Variants in HNF1A observed in about 807,000 individuals in gnomAD.
HNF1A encodes hepatocyte nuclear factor 1-alpha.
Under a neutral mutation model 62.2 loss-of-function variants are expected in HNF1A, and 21 were observed. That is an observed-to-expected ratio of 0.34 (90% CI 0.24 to 0.49). The LOEUF (loss-of-function observed/expected upper bound fraction) is 0.49, where lower values mean the gene tolerates loss of function less well. Among genes scored for constraint, HNF1A ranks in the 20% least tolerant of loss-of-function variants. HNF1A has a pLI of 0.99. For missense variants in HNF1A, 687 were observed against 832.3 expected, an observed-to-expected ratio of 0.83 and a Z score of 2.15; for synonymous variants, 374 against 366.8, an observed-to-expected ratio of 1.02 and a Z score of -0.22.
Position 120,996,633 on chromosome 12 carries a change from C to T in HNF1A, c.1200C>T (p.Pro400=), listed in dbSNP as rs773220717. ...CATCCCCAGGCCTCAACCAGCAGCC[C>T]CAGAACCTCATCATGGCCTCACTTC... ...EQTSPGLNQQ[P]QNLIMASLPG... The change falls in exon 6 of 10, where the codon CCC becomes CCT. Residue 400 remains proline, a synonymous_variant. Coordinates refer to ENST00000257555, the MANE Select transcript of HNF1A (RefSeq NM_000545.8). This position sits in a 1 kb window ranked among gnomAD's most constrained non-coding sequence, Gnocchi z 4.5. The T allele has an allele frequency of 3.7e-6, 6 of 1,614,104 alleles. No individual in the cohort carries two copies. In the South Asian group the frequency reaches 6.6e-5, roughly 18 times the overall value.
chr12:120,988,576 C>A (rs1876652029), intron 1 of HNF1A, among the ~76,000 whole-genome samples: 1 of 152,352 alleles, frequency 6.6e-6, no homozygotes, highest in Non-Finnish European at 1.5e-5. Context: ...TATCCATAGG[C>A]CTGTGTCCAC....
chr12:121,002,254 G>GAAAGCCA lies in HNF1A; in HGVS notation c.*1062_*1063insAAAGCCA. On this transcript the variant is annotated 3_prime_UTR_variant, in exon 10 of 10. Transcript: ENST00000257555. ...GAAGCCTGGGGGCCTGGCTGGCTGAGGGCAGTTCGCAGCCACCCTGAGGAG... is the reference window on the plus strand; with the variant it reads ...GAAGCCTGGGGGCCTGGCTGGCTGAGAAAGCCAGGCAGTTCGCAGCCACCCTGAGGAG... 2.3e-6 allele frequency: 1 copy of GAAAGCCA among 440,852 alleles called. No individual in the cohort carries two copies. Among genetic ancestry groups the GAAAGCCA allele is most frequent in the South Asian group, 2.0e-5 (1 of 49,378 alleles). The allele number at this position is 440,852 out of a possible 1,614,324, so 27.3% of individuals were successfully genotyped here. A position where few individuals can be genotyped will look rare whatever the true frequency, so the allele number is the denominator to read the frequency against.
At position 120,996,960 on chromosome 12, in the gene HNF1A, G is replaced by A. The variant is rs1258307331; in HGVS notation, c.1309+218G>A. On this transcript the variant is annotated intron_variant, in intron 6 of 9. Transcript: ENST00000257555. The surrounding 1 kb of genome is among the most constrained non-coding windows in gnomAD (Gnocchi z 4.5). ...ACTCAAGCAGGGAGGCAGGCACTAA[G>A]CATAATACATCAATTCTGTGGTACC... 6.7e-7 allele frequency: 1 copy of A among 1,500,770 alleles called. No individual in the cohort carries two copies. Among genetic ancestry groups the A allele is most frequent in the East Asian group, 2.5e-5 (1 of 40,034 alleles). 93.0% of individuals were successfully genotyped at this position (1,500,770 alleles called of 1,614,324 possible). A position where few individuals can be genotyped will look rare whatever the true frequency, so the allele number is the denominator to read the frequency against.
Position 121,001,433 on chromosome 12 carries a change from A to G in HNF1A, c.*241A>G. Reference sequence around the variant, plus strand: ...GGAGAGCTAGGAGCAAAGCCTGTTCATGGCAGATGTAGGAGGGACTGTCGC... The same window carrying G: ...GGAGAGCTAGGAGCAAAGCCTGTTCGTGGCAGATGTAGGAGGGACTGTCGC... On this transcript the variant is annotated 3_prime_UTR_variant, in exon 10 of 10. Transcript: ENST00000257555. 3.6e-6 allele frequency: 2 copies of G among 557,458 alleles called. No homozygotes were observed. The highest frequency in any genetic ancestry group is 2.0e-5 in the South Asian group (1 of 50,182). The allele number at this position is 557,458 out of a possible 1,614,324, so 34.5% of individuals were successfully genotyped here. A position where few individuals can be genotyped will look rare whatever the true frequency, so the allele number is the denominator to read the frequency against.
rs76003406 is a variant in HNF1A, at chr12:120,999,671, C to T, written c.1768+44C>T. 71,027 of 1,586,460 alleles carry T rather than the reference C, an allele frequency of 0.045. 1,904 individuals are homozygous for T. Among genetic ancestry groups the T allele is most frequent in the Non-Finnish European group, 0.053 (62,504 of 1,170,124 alleles). ...ACCCCCTCCCTTACTGTCCCTGCCC[C>T]CTTCCATGTTGGTCCCACCCCTTCT... On this transcript the variant is annotated intron_variant, in intron 9 of 9. Transcript: ENST00000257555.
rs1277468510 is a variant in HNF1A, at chr12:120,996,371, C to T, written c.1065C>T (p.Gly355=). The T allele has an allele frequency of 1.2e-6, 2 of 1,614,180 alleles. No homozygotes were observed. The highest frequency in any genetic ancestry group is 1.6e-4 in the Middle Eastern group (1 of 6,062). ...STPLHQVSPT[G]LEPSHSLLST... is the part of the protein sequence containing the mutation. ...CCCTCCACCAAGTGTCCCCCACGGG[C>T]CTGGAGCCCAGCCACAGCCTGCTGA... is the stretch of plus-strand genomic sequence containing the variant. Residue 355 remains glycine, a synonymous_variant, in exon 5 of 10, where the codon GGC becomes GGT. Transcript: ENST00000257555. The surrounding 1 kb of genome is among the most constrained non-coding windows in gnomAD (Gnocchi z 4.5).
chr12:120,983,017 A>C (rs748614174), intron 1 of HNF1A, among the ~76,000 whole-genome samples: 2 of 152,358 alleles, frequency 1.3e-5, no homozygotes, highest in East Asian at 3.9e-4. Flanking sequence ...GGTTAAGCAA[A>C]GAATCAAGGC....
chr12:120,979,165 C>A, intron 1 of HNF1A, 71 bp downstream of exon 1: 3 of 1,388,866 alleles, frequency 2.2e-6, no homozygotes, highest in Non-Finnish European at 3.0e-6. Context: ...TAACGAGCCC[C>A]CCTTCTGAGT....
rs753567412 is a variant in HNF1A at position 120,978,707 on chromosome 12, C to T, written c.-62C>T. On this transcript the variant is annotated 5_prime_UTR_variant, in exon 1 of 10. The change creates a new upstream start codon in the 5' untranslated region. Transcript: ENST00000257555. ...CCGGCCGGCAGGCAAACGCAACCCA[C>T]GCGGTGGGGGAGGCGGCTAGCGTGG... 4.6e-6 allele frequency: 7 copies of T among 1,515,658 alleles called. No individual in the cohort carries two copies. Among genetic ancestry groups the T allele is most frequent in the Admixed American group, 3.3e-5 (2 of 59,808 alleles). 93.9% of individuals were successfully genotyped at this position (1,515,658 alleles called of 1,614,324 possible). A position where few individuals can be genotyped will look rare whatever the true frequency, so the allele number is the denominator to read the frequency against.
Position 120,988,824 on chromosome 12 carries a change from C to T in HNF1A, c.327-9C>T, listed in dbSNP as rs1258740263. 1 of 1,613,984 alleles carries T rather than the reference C, an allele frequency of 6.2e-7. No individual in the cohort carries two copies. Among genetic ancestry groups the T allele is most frequent in the Non-Finnish European group, 8.5e-7 (1 of 1,179,990 alleles). ...TTGCTGAGCAGATCCCGTCCTTGCCCTCTCCCAGGGAGGACCCGTGGCGTG... is the reference window on the plus strand; with the variant it reads ...TTGCTGAGCAGATCCCGTCCTTGCCTTCTCCCAGGGAGGACCCGTGGCGTG... On this transcript the variant is annotated splice_polypyrimidine_tract_variant and intron_variant, in intron 1 of 9. Coordinates refer to ENST00000257555, the MANE Select transcript of HNF1A (RefSeq NM_000545.8).
rs751253524 is a variant in HNF1A at position 120,996,567 on chromosome 12, C to T, written c.1134C>T (p.Pro378=). The T allele has an allele frequency of 6.2e-7, 1 of 1,613,972 alleles. No individual in the cohort carries two copies. Among genetic ancestry groups the T allele is most frequent in the Non-Finnish European group, 8.5e-7 (1 of 1,179,988 alleles). Residue 378 remains proline, a synonymous_variant, in exon 6 of 10, where the codon CCC becomes CCT. Coordinates refer to ENST00000257555, the MANE Select transcript of HNF1A (RefSeq NM_000545.8). This position sits in a 1 kb window ranked among gnomAD's most constrained non-coding sequence, Gnocchi z 4.5. ...TCTCAGCAGCTGGGGGCCCCCTCCC[C>T]CCTGTCAGCACCCTGACAGCACTGC... ...KLVSAAGGPL[P]PVSTLTALHS...
chr12:120,993,795 G>A, intron 3 of HNF1A, 89 bp downstream of exon 3: 1 of 1,378,586 alleles, frequency 7.3e-7, no homozygotes, highest in South Asian at 1.3e-5. Context: ...CCTGTAAAAG[G>A]CTGTCCAGTT....
rs746328511 is a variant in HNF1A, at chr12:120,996,845, CAACATGT to C, written c.1309+105_1309+111del. On this transcript the variant is annotated intron_variant, in intron 6 of 9. Transcript: ENST00000257555. This position sits in a 1 kb window ranked among gnomAD's most constrained non-coding sequence, Gnocchi z 4.5. ...ACTGGGACTCATTCATTCATTCATA[CAACATGT>C]ATTTATCCAGTGCCTACTCTGGACC... 1.3e-6 allele frequency: 2 copies of C among 1,555,352 alleles called. No homozygotes were observed. Among genetic ancestry groups the C allele is most frequent in the South Asian group, 1.2e-5 (1 of 84,286 alleles).
chr12:121,001,285 C>A lies in HNF1A; in HGVS notation c.*93C>A. 1.4e-6 allele frequency: 2 copies of A among 1,472,264 alleles called. No homozygotes were observed. The highest frequency in any genetic ancestry group is 1.4e-5 in the African/African-American group (1 of 72,172). The allele number at this position is 1,472,264 out of a possible 1,614,324, so 91.2% of individuals were successfully genotyped here. On this transcript the variant is annotated 3_prime_UTR_variant, in exon 10 of 10. Coordinates refer to ENST00000257555, the MANE Select transcript of HNF1A (RefSeq NM_000545.8). ...GCCTGGAGGACCTGAGCCTGCCGAG[C>A]AACCGTGGCCCTTCCTGGACAGCTG...
At chr12:120,990,505 A>C (rs1876767423) in intron 2 of HNF1A, among the ~76,000 whole-genome samples, 1 of 152,144 alleles carries the variant, frequency 6.6e-6, no homozygotes, top group Non-Finnish European at 1.5e-5. Context: ...GAGGAGGCTG[A>C]GGTGGGAGGA....
Position 120,989,048 on chromosome 12 carries a change from AC to A in HNF1A, c.526+20del. 6.2e-7 allele frequency: 1 copy of A among 1,612,538 alleles called. No homozygotes were observed. The highest frequency in any genetic ancestry group is 8.5e-7 in the Non-Finnish European group (1 of 1,179,366). ...GTGGCGCAGCGTAAGTAATGACCCT[AC>A]CCCGCATCTTCCCTGGGAGGGCCCA... On this transcript the variant is annotated intron_variant, in intron 2 of 9. Coordinates refer to ENST00000257555, the MANE Select transcript of HNF1A (RefSeq NM_000545.8).
In HNF1A at chr12:120,997,622, G is replaced by C. The variant is rs772786958; in HGVS notation, c.1458G>C (p.Gln486His). Reference protein sequence around the residue: ...LMPPVQSHVTQSPFMATMAQL... With the variant: ...LMPPVQSHVTHSPFMATMAQL... Reference sequence around the variant, plus strand: ...CACCTGTGCAGAGCCATGTGACCCAGAGCCCCTTCATGGCCACCATGGCTC... The same window carrying C: ...CACCTGTGCAGAGCCATGTGACCCACAGCCCCTTCATGGCCACCATGGCTC... Residue 486 changes from glutamine (Q) to histidine (H), a missense_variant, in exon 7 of 10, where the codon CAG (glutamine) becomes CAC (histidine). This residue lies in a region of HNF1A where 408 missense variants were observed against 455.3 expected (regional missense o/e 0.90). Coordinates refer to ENST00000257555, the MANE Select transcript of HNF1A (RefSeq NM_000545.8). 2 of 1,613,620 alleles carry C rather than the reference G, an allele frequency of 1.2e-6. No homozygotes were observed. The highest frequency in any genetic ancestry group is 1.7e-6 in the Non-Finnish European group (2 of 1,179,864).
intron 2 of HNF1A, among the ~76,000 whole-genome samples, chr12:120,991,752 A>ACC (rs1876853125): frequency 6.6e-6 from 1 of 152,230 alleles, no homozygotes; most frequent in South Asian, 2.1e-4. Flanking sequence ...ACACTTGGAA[A>ACC]AACAGTACAT....
At chr12:120,989,908 T>G (rs1249955048) in intron 2 of HNF1A, among the ~76,000 whole-genome samples, 3 of 151,982 alleles carry the variant, frequency 2.0e-5, no homozygotes, top group Non-Finnish European at 2.9e-5. Flanking sequence ...GAAGGGTGTT[T>G]CAGGCAGAAG....
Sources: gnomAD v4.1 joint callset for allele counts (sites outside exome capture counted in the v4.1 genomes callset) on GRCh38, gnomAD v4.1.1 for gene constraint, gnomAD v4.1.1 regional missense constraint, Gnocchi (gnomAD v3.1) non-coding constraint, MANE v1.5 for transcripts, NCBI Gene and HGNC (gene_info 2026-07-23, HGNC 2026-07-21) for gene names.